WASF3: variants seen among roughly 807,000 people sequenced by gnomAD.
WASF3 encodes WASP family member 3, also known as actin-binding protein WASF3.
A neutral mutation model predicts 46.6 loss-of-function variants in WASF3; 11 were observed. That is an observed-to-expected ratio of 0.24 (90% CI 0.15 to 0.39). WASF3 has a LOEUF of 0.39. Ranked by LOEUF, WASF3 falls within the 10% of genes least tolerant of loss-of-function variation. The pLI, the probability that WASF3 is intolerant of heterozygous loss-of-function variation, is 1.00. For missense variants in WASF3, 576 were observed against 669.8 expected (o/e 0.86, Z 1.55); for synonymous variants, 242 against 259.7 (o/e 0.93, Z 0.65).
intron 1 of WASF3, among the ~76,000 whole-genome samples, chr13:26,562,890 C>T (rs1277177934): frequency 7.1e-6 from 1 of 140,564 alleles, no homozygotes; most frequent in Non-Finnish European, 1.6e-5. Flanking sequence ...CCTTCGCCTC[C>T]CTCCCTTTTC....
intron 3 of WASF3, among the ~76,000 whole-genome samples, chr13:26,660,771 G>A (rs946467558): frequency 6.6e-6 from 1 of 152,180 alleles, no homozygotes; most frequent in African/African-American, 2.4e-5. Flanking sequence ...GGACAGTCCA[G>A]TAGCGTCTTT....
At chr13:26,598,672 A>G (rs1335593249) in intron 1 of WASF3, among the ~76,000 whole-genome samples, 11 of 152,028 alleles carry the variant, frequency 7.2e-5, no homozygotes, top group Admixed American at 3.3e-4. Flanking sequence ...GGCAGTTTTC[A>G]CTCCGAACCC....
At chr13:26,596,565 T>A (rs138504039) in intron 1 of WASF3, among the ~76,000 whole-genome samples, 1 of 152,306 alleles carries the variant, frequency 6.6e-6, no homozygotes, top group East Asian at 1.9e-4. Context: ...TTGAGTATTT[T>A]CTCTTTGTCT....
intron 1 of WASF3, among the ~76,000 whole-genome samples, chr13:26,603,702 C>T (rs1880708485): frequency 6.6e-6 from 1 of 152,046 alleles, no homozygotes; most frequent in Admixed American, 6.6e-5. Flanking sequence ...AAAAGGGAAA[C>T]CTCTTTTATA....
At chr13:26,576,775 A>G (rs1879809531) in intron 1 of WASF3, 1 of 332,466 alleles carries the variant, frequency 3.0e-6, no homozygotes, top group African/African-American at 2.1e-5. Flanking sequence ...GAAATGCAAA[A>G]ATAGTTCACA....
chr13:26,617,472 A>G (rs921286410), intron 2 of WASF3, among the ~76,000 whole-genome samples: 3 of 152,110 alleles, frequency 2.0e-5, no homozygotes, highest in African/African-American at 7.2e-5. Flanking sequence ...CAAAACCCAA[A>G]CAACTCAGTG....
chr13:26,677,008 G>T (rs923305141), intron 7 of WASF3, among the ~76,000 whole-genome samples: 1 of 152,236 alleles, frequency 6.6e-6, no homozygotes, highest in East Asian at 1.9e-4. Context: ...TGAATTTGGG[G>T]TAACTGCTTA....
At chr13:26,616,329 C>T (rs755383504) in intron 2 of WASF3, among the ~76,000 whole-genome samples, 2 of 152,146 alleles carry the variant, frequency 1.3e-5, no homozygotes, top group Admixed American at 1.3e-4. Context: ...ATATCTCCTG[C>T]GGTTTTAATT....
intron 5 of WASF3, among the ~76,000 whole-genome samples, chr13:26,670,910 G>A (rs970651653): frequency 6.6e-6 from 1 of 152,126 alleles, no homozygotes; most frequent in African/African-American, 2.4e-5. Context: ...GGCATAGCAG[G>A]GGCTTTAATG....
intron 2 of WASF3, among the ~76,000 whole-genome samples, chr13:26,631,350 A>C (rs1387813046): frequency 6.6e-6 from 1 of 152,192 alleles, no homozygotes; most frequent in Non-Finnish European, 1.5e-5. Context: ...ATTTTTGTAT[A>C]AGGTATAAGG....
In WASF3 at chr13:26,687,282, C is replaced by T. The variant is rs955778856; in HGVS notation, c.*1437C>T. ...TAACCTACTCAACAGTATTTCATAT[C>T]CATTGTGGTTAGTTACTCAGTTATG... On this transcript the variant is annotated 3_prime_UTR_variant, in exon 10 of 10. Transcript: ENST00000335327. 1 of 152,176 alleles carries T rather than the reference C, an allele frequency of 6.6e-6. No homozygotes were observed. The highest frequency in any genetic ancestry group is 1.5e-5 in the Non-Finnish European group (1 of 68,034). 9.4% of individuals were successfully genotyped at this position (152,176 alleles called of 1,614,324 possible).
At chr13:26,678,715 C>T (rs768195981) in intron 7 of WASF3, among the ~76,000 whole-genome samples, 4 of 152,126 alleles carry the variant, frequency 2.6e-5, no homozygotes, top group Non-Finnish European at 5.9e-5. Flanking sequence ...TTAAGATGAG[C>T]GCTGGGAAGT....
At chr13:26,586,815 G>A (rs1214062061) in intron 1 of WASF3, among the ~76,000 whole-genome samples, 1 of 152,062 alleles carries the variant, frequency 6.6e-6, no homozygotes, top group East Asian at 1.9e-4. Context: ...ATGTTTGCAG[G>A]TGCTTTTAAG....
intron 3 of WASF3, among the ~76,000 whole-genome samples, chr13:26,645,903 A>G (rs979949262): frequency 6.6e-6 from 1 of 152,148 alleles, no homozygotes; most frequent in African/African-American, 2.4e-5. Context: ...AATAAGAGGA[A>G]GTTCAATAAT....
intron 3 of WASF3, among the ~76,000 whole-genome samples, chr13:26,657,829 TTCA>T (rs1882511666): frequency 6.6e-6 from 1 of 152,246 alleles, no homozygotes; most frequent in Non-Finnish European, 1.5e-5. Flanking sequence ...ACTATTCTTA[TTCA>T]TCAGAAAATA....
intron 1 of WASF3, among the ~76,000 whole-genome samples, chr13:26,607,285 G>A (rs1880828051): frequency 6.6e-6 from 1 of 152,094 alleles, no homozygotes; most frequent in Admixed American, 6.6e-5. Flanking sequence ...GTGGGCTAGT[G>A]TCAAAAGGCA....
intron 1 of WASF3, among the ~76,000 whole-genome samples, chr13:26,593,322 T>C (rs1005305978): frequency 6.6e-6 from 1 of 152,196 alleles, no homozygotes; most frequent in Non-Finnish European, 1.5e-5. Context: ...TTTTTTGGTT[T>C]GAGGGTGAGA....
chr13:26,552,306 C>G, the WASF3 span, among the ~76,000 whole-genome samples: 1 of 152,114 alleles, frequency 6.6e-6, no homozygotes, highest in Non-Finnish European at 1.5e-5. Flanking sequence ...GCATTCTCAA[C>G]AAATGTTTGT....
At chr13:26,547,393 AACACACAC>A in the WASF3 span, among the ~76,000 whole-genome samples, 3,212 of 131,174 alleles carry the variant, frequency 0.024, 48 homozygotes, top group African/African-American at 0.05. Context: ...CTACCCCATC[AACACACAC>A]ACACACACAC....
Sources: allele counts gnomAD v4.1 joint callset (sites outside exome capture counted in the v4.1 genomes callset), GRCh38; gene constraint gnomAD v4.1.1; transcripts MANE v1.5; gene names NCBI Gene and HGNC (gene_info 2026-07-23, HGNC 2026-07-21).